Variants in LINGO2 observed in about 807,000 individuals in gnomAD.
The protein encoded by LINGO2 is leucine-rich repeat and immunoglobulin-like domain-containing nogo receptor-interacting protein 2.
A neutral mutation model predicts 30.6 loss-of-function variants in LINGO2; 14 were observed. The observed-to-expected ratio is 0.46, with a 90% CI of 0.30 to 0.72. The LOEUF is 0.72. Among genes scored for constraint, LINGO2 ranks in the 30% least tolerant of loss-of-function variants. LINGO2 has a pLI of 0.07. For missense variants in LINGO2, 729 were observed against 751.7 expected, an observed-to-expected ratio of 0.97 and a Z score of 0.35; for synonymous variants, 317 against 288.5, an observed-to-expected ratio of 1.10 and a Z score of -1.00.
intron 4 of LINGO2, among the ~76,000 whole-genome samples, chr9:28,235,597 C>T (rs1036902110): frequency 1.6e-4 from 25 of 152,116 alleles, no homozygotes; most frequent in Non-Finnish European, 2.4e-4. Context: ...TTCCAGATAA[C>T]GCAGAGACGA....
chr9:28,314,419 G>C (rs538442055), intron 3 of LINGO2, among the ~76,000 whole-genome samples: 2 of 152,216 alleles, frequency 1.3e-5, no homozygotes, highest in East Asian at 3.9e-4. Flanking sequence ...AGGAGAAAAG[G>C]AGCTTAACCC....
chr9:29,085,845 T>C, the LINGO2 span, among the ~76,000 whole-genome samples: 2 of 152,150 alleles, frequency 1.3e-5, no homozygotes, highest in Non-Finnish European at 2.9e-5. Flanking sequence ...GTTGTGTAAT[T>C]TGCCCTATTA....
the LINGO2 span, among the ~76,000 whole-genome samples, chr9:29,004,670 T>A: frequency 1.3e-5 from 2 of 151,860 alleles, no homozygotes; most frequent in African/African-American, 4.8e-5. Context: ...AAAGATAAAA[T>A]ATGAATTCAG....
the LINGO2 span, among the ~76,000 whole-genome samples, chr9:28,718,988 T>C: frequency 6.6e-6 from 1 of 152,048 alleles, no homozygotes; most frequent in Non-Finnish European, 1.5e-5. Flanking sequence ...TCAGTGCTTC[T>C]ACTCAGACTC....
At chr9:28,293,841 C>CG (rs1823828956) in intron 4 of LINGO2, among the ~76,000 whole-genome samples, 1 of 152,138 alleles carries the variant, frequency 6.6e-6, no homozygotes, top group South Asian at 2.1e-4. Flanking sequence ...ATTTTCGCTA[C>CG]AGTTATGTGT....
chr9:28,026,168 T>A (rs1339078021), intron 4 of LINGO2, among the ~76,000 whole-genome samples: 1 of 152,226 alleles, frequency 6.6e-6, no homozygotes, highest in Non-Finnish European at 1.5e-5. Flanking sequence ...TTCTGTTTAT[T>A]CTGGTAAGTT....
rs553782748 is a variant in LINGO2 at position 28,185,438 on chromosome 9, TA to T, written c.-87+109769del. On this transcript the variant is annotated intron_variant, in intron 4 of 5. Coordinates refer to ENST00000379992, the Ensembl canonical transcript of LINGO2. The stretch of plus-strand genomic sequence containing the variant: ...TAACCCATGATTAACAGGTAAATGG[TA>T]AAAAAAAAACTTTAGAAAATGTGGC... Among the ~76,000 whole-genome samples, 41 of 148,732 alleles carry T rather than the reference TA, an allele frequency of 2.8e-4. 1 individual carries two copies. The South Asian group carries it at 3.6e-3, about 13-fold the overall frequency.
intron 4 of LINGO2, among the ~76,000 whole-genome samples, chr9:28,220,385 C>T (rs866157635): frequency 6.6e-6 from 1 of 152,086 alleles, no homozygotes; most frequent in Non-Finnish European, 1.5e-5. Context: ...TCCGTTATCA[C>T]ACAAAAGCAA....
the LINGO2 span, among the ~76,000 whole-genome samples, chr9:29,044,533 T>C: frequency 6.6e-6 from 1 of 152,038 alleles, no homozygotes. Context: ...TAGGAGAATT[T>C]TACAATATCT....
chr9:28,140,823 C>T (rs1321870767), intron 4 of LINGO2, among the ~76,000 whole-genome samples: 3 of 152,020 alleles, frequency 2.0e-5, no homozygotes, highest in African/African-American at 7.2e-5. Flanking sequence ...TTATGTATCT[C>T]TAATGTCCTG....
chr9:28,567,288 T>C lies in LINGO2; in HGVS notation c.-364-91263A>G, dbSNP rs558099574. ...ACCATTTGACCCAGCAATACCACCA[T>C]TGGCTATTTACCCAAAGGAAAAGAA... On this transcript the variant is annotated intron_variant, in intron 1 of 5. Transcript: ENST00000379992. Among the ~76,000 whole-genome samples, 5 of 152,166 alleles carry C rather than the reference T, an allele frequency of 3.3e-5. No homozygotes were observed. In the East Asian group the frequency reaches 7.7e-4, roughly 24 times the overall value.
At chr9:28,349,703 T>A (rs62555413) in intron 3 of LINGO2, among the ~76,000 whole-genome samples, 1 of 142,028 alleles carries the variant, frequency 7.0e-6, no homozygotes, top group African/African-American at 2.6e-5. Flanking sequence ...ATTGTCAGAT[T>A]CACCAAAGTT....
intron 2 of LINGO2, among the ~76,000 whole-genome samples, chr9:28,465,935 G>T (rs1022391115): frequency 2.6e-5 from 4 of 152,040 alleles, no homozygotes; most frequent in African/African-American, 9.7e-5. Flanking sequence ...AGTTAAAATG[G>T]TTTTTATCCA....
the LINGO2 span, among the ~76,000 whole-genome samples, chr9:28,898,093 C>G: frequency 2.0e-5 from 3 of 152,062 alleles, no homozygotes; most frequent in Non-Finnish European, 4.4e-5. Flanking sequence ...GCATTTCTAA[C>G]AATTTAAATA....
chr9:28,439,267 A>G (rs1378008655), intron 2 of LINGO2, among the ~76,000 whole-genome samples: 1 of 150,954 alleles, frequency 6.6e-6, no homozygotes, highest in Non-Finnish European at 1.5e-5. Context: ...ATGTATATGT[A>G]TATATATGTG....
downstream of LINGO2, among the ~76,000 whole-genome samples, chr9:27,947,559 C>A (rs79816448): frequency 2.3e-3 from 350 of 152,218 alleles, 1 homozygote; most frequent in African/African-American, 7.6e-3. Context: ...AAACCAAAAT[C>A]TAATTGGTAA....
intron 1 of LINGO2, among the ~76,000 whole-genome samples, chr9:28,610,153 CT>C (rs1458827471): frequency 6.6e-6 from 1 of 151,928 alleles, no homozygotes; most frequent in Non-Finnish European, 1.5e-5. Context: ...TAAAACAAAC[CT>C]GTTTTACTTT....
chr9:28,528,050 C>G (rs2135419882), intron 1 of LINGO2, among the ~76,000 whole-genome samples: 1 of 152,280 alleles, frequency 6.6e-6, no homozygotes, highest in African/African-American at 2.4e-5. Flanking sequence ...CTTCTCCACA[C>G]TGATGTCATG....
the LINGO2 span, among the ~76,000 whole-genome samples, chr9:29,177,004 A>C: frequency 6.6e-6 from 1 of 152,228 alleles, no homozygotes; most frequent in Non-Finnish European, 1.5e-5. Flanking sequence ...CCTCTGACTC[A>C]GCACATATAT....
Sources: allele counts gnomAD v4.1 joint callset (sites outside exome capture counted in the v4.1 genomes callset), GRCh38; gene constraint gnomAD v4.1.1; transcripts MANE v1.5; gene names NCBI Gene and HGNC (gene_info 2026-07-23, HGNC 2026-07-21).